ZFTRAF1: variants seen among roughly 807,000 people sequenced by gnomAD.
The protein encoded by ZFTRAF1 is zinc finger TRAF-type-containing protein 1.
At chr8:144,462,087 T>C in the ZFTRAF1 span, among the ~76,000 whole-genome samples, 1 of 152,062 alleles carries the variant, frequency 6.6e-6, no homozygotes, top group Admixed American at 6.5e-5. Flanking sequence ...AATAAAGCCC[T>C]GAGAGAAAGA....
the ZFTRAF1 span, chr8:144,454,249 C>G: frequency 6.6e-6 from 1 of 152,304 alleles, no homozygotes; most frequent in Non-Finnish European, 1.5e-5. Context: ...ACATAAGCCT[C>G]GAGCGTCCAC....
At chr8:144,460,573 T>C in the ZFTRAF1 span, among the ~76,000 whole-genome samples, 1 of 151,920 alleles carries the variant, frequency 6.6e-6, no homozygotes, top group African/African-American at 2.4e-5. Flanking sequence ...CTTGTTGGAG[T>C]CTCCCTCGAG....
chr8:144,455,174 GCA>G, the ZFTRAF1 span: 1 of 152,210 alleles, frequency 6.6e-6, no homozygotes, highest in Non-Finnish European at 1.5e-5. Flanking sequence ...AATTAGCCAT[GCA>G]TGGTGGCGAG....
chr8:144,462,329 A>C, the ZFTRAF1 span: 1 of 544,130 alleles, frequency 1.8e-6, no homozygotes, highest in South Asian at 2.2e-5. Context: ...GGTGCAGCAC[A>C]GCACCGAGTA....
chr8:144,459,867 T>A, the ZFTRAF1 span, among the ~76,000 whole-genome samples: 1 of 152,046 alleles, frequency 6.6e-6, no homozygotes, highest in Non-Finnish European at 1.5e-5. Context: ...GAACAGAGGG[T>A]GGAACCTGCT....
At chr8:144,460,779 A>G in the ZFTRAF1 span, among the ~76,000 whole-genome samples, 6 of 152,318 alleles carry the variant, frequency 3.9e-5, no homozygotes, top group African/African-American at 1.4e-4. Flanking sequence ...GCTACTCGGG[A>G]GGCTGAGGTA....
chr8:144,449,874 CA>C, the ZFTRAF1 span: 2 of 170,900 alleles, frequency 1.2e-5, no homozygotes, highest in Non-Finnish European at 2.6e-5. Context: ...CAGGCCAAAC[CA>C]AAGCCCCCAC....
At chr8:144,452,861 CAGG>C in the ZFTRAF1 span, among the ~76,000 whole-genome samples, 67 of 152,318 alleles carry the variant, frequency 4.4e-4, no homozygotes, top group African/African-American at 1.5e-3. Flanking sequence ...AGCCTCACTG[CAGG>C]AGACTTGGTG....
At chr8:144,460,282 C>T in the ZFTRAF1 span, among the ~76,000 whole-genome samples, 65 of 152,388 alleles carry the variant, frequency 4.3e-4, no homozygotes, top group East Asian at 0.012. Context: ...TCCATTACAC[C>T]TGTTCAGCTC....
chr8:144,461,064 G>A, the ZFTRAF1 span, among the ~76,000 whole-genome samples: 8 of 152,182 alleles, frequency 5.3e-5, no homozygotes, highest in Non-Finnish European at 1.2e-4. Flanking sequence ...CTGACACCCA[G>A]GAGGGTGGGT....
the ZFTRAF1 span, among the ~76,000 whole-genome samples, chr8:144,459,766 G>C: frequency 6.6e-6 from 1 of 152,332 alleles, no homozygotes; most frequent in South Asian, 2.1e-4. Context: ...CTTCTCACCA[G>C]AGTCAGGGAC....
the ZFTRAF1 span, among the ~76,000 whole-genome samples, chr8:144,461,483 G>C: frequency 6.6e-6 from 1 of 152,190 alleles, no homozygotes; most frequent in Admixed American, 6.5e-5. Flanking sequence ...GGCTGCTTAA[G>C]GGCTGAGTCC....
the ZFTRAF1 span, among the ~76,000 whole-genome samples, chr8:144,459,947 G>C: frequency 6.6e-6 from 1 of 152,204 alleles, no homozygotes; most frequent in Non-Finnish European, 1.5e-5. Flanking sequence ...GTAGAATATG[G>C]TAGACTGAAC....
chr8:144,450,486 C>G, the ZFTRAF1 span: 1 of 718,358 alleles, frequency 1.4e-6, no homozygotes, highest in Non-Finnish European at 2.6e-6. Flanking sequence ...TAGTCCGTCT[C>G]GTTGCTCTCG....
the ZFTRAF1 span, chr8:144,452,609 G>C: frequency 2.3e-5 from 35 of 1,514,320 alleles, no homozygotes; most frequent in African/African-American, 2.8e-5. Flanking sequence ...ACTGAGCCCC[G>C]AACAGGAGGC....
At chr8:144,456,919 TCATGAGGG>T in the ZFTRAF1 span, 1 of 146,008 alleles carries the variant, frequency 6.8e-6, no homozygotes, top group African/African-American at 2.6e-5. Context: ...CACACTGGCA[TCATGAGGG>T]AATGACATCA....
the ZFTRAF1 span, chr8:144,453,524 C>T: frequency 7.1e-7 from 1 of 1,405,866 alleles, no homozygotes; most frequent in Non-Finnish European, 9.7e-7. Context: ...ACACACCCGC[C>T]CATGCCCATC....
chr8:144,450,700 T>C, the ZFTRAF1 span: 2 of 716,786 alleles, frequency 2.8e-6, no homozygotes, highest in Non-Finnish European at 5.2e-6. Flanking sequence ...GGTTCAGCAC[T>C]GTGAACCTGG....
the ZFTRAF1 span, among the ~76,000 whole-genome samples, chr8:144,460,604 C>T: frequency 1.3e-5 from 2 of 152,250 alleles, no homozygotes; most frequent in South Asian, 2.1e-4. Flanking sequence ...AAGTTCTGGC[C>T]AAGCGCAGTG....
Sources: allele counts gnomAD v4.1 joint callset (sites outside exome capture counted in the v4.1 genomes callset), GRCh38; gene constraint gnomAD v4.1.1; transcripts MANE v1.5; gene names NCBI Gene and HGNC (gene_info 2026-07-23, HGNC 2026-07-21).